The following MCM5 variants were observed in gnomAD, a reference collection of about 807,000 sequenced individuals.
MCM5 encodes the protein minichromosome maintenance complex component 5.
A neutral mutation model predicts 79.9 loss-of-function variants in MCM5; 46 were observed. The observed-to-expected ratio is 0.58, with a 90% confidence interval of 0.45 to 0.74. MCM5 has a LOEUF of 0.74. Ranked by LOEUF, MCM5 falls within the 30% of genes least tolerant of loss-of-function variation. MCM5 has a pLI of 0.00. For missense variants in MCM5, 883 were observed against 1,017.0 expected (o/e 0.87, Z 1.79); for synonymous variants, 404 against 390.5 (o/e 1.03, Z -0.41).
At chr22:35,451,535 C>T in the MCM5 span, among the ~76,000 whole-genome samples, 1 of 152,246 alleles carries the variant, frequency 6.6e-6, no homozygotes, top group Non-Finnish European at 1.5e-5. Context: ...CCCAGACGGG[C>T]CTCGAGCCTG....
At chr22:35,428,248 C>G (rs979622135), downstream of MCM5, among the ~76,000 whole-genome samples, 1 of 151,926 alleles carries the variant, frequency 6.6e-6, no homozygotes, top group African/African-American at 2.4e-5. Context: ...TTTCAAACTC[C>G]TGAACTCAAG....
At chr22:35,433,857 G>A in the MCM5 span, among the ~76,000 whole-genome samples, 2 of 152,178 alleles carry the variant, frequency 1.3e-5, no homozygotes, top group Non-Finnish European at 2.9e-5. Context: ...AGCCCTGTCG[G>A]GGGCAGCCAC....
chr22:35,448,353 C>T, the MCM5 span, among the ~76,000 whole-genome samples: 440 of 152,278 alleles, frequency 2.9e-3, 3 homozygotes, highest in African/African-American at 0.01. Context: ...CCCTCTGGAC[C>T]GTGGTGGGAG....
Position 35,403,190 on chromosome 22 carries a change from C to T in MCM5, c.168-17C>T, listed in dbSNP as rs1256861265. 13 of 1,613,734 alleles carry T rather than the reference C, an allele frequency of 8.1e-6. No individual in the cohort carries two copies. Among genetic ancestry groups the T allele is most frequent in the Non-Finnish European group, 1.1e-5 (13 of 1,179,778 alleles). On this transcript the variant is annotated splice_polypyrimidine_tract_variant and intron_variant, in intron 2 of 16. Coordinates refer to ENST00000216122, the MANE Select transcript of MCM5 (RefSeq NM_006739.4). ...TTTGCACCCTTCCTGCCCCACCCTG[C>T]TATGTGCCCACTCCAGGGATGAACT...
At chr22:35,432,083 C>G in the MCM5 span, among the ~76,000 whole-genome samples, 3 of 152,192 alleles carry the variant, frequency 2.0e-5, no homozygotes, top group African/African-American at 7.2e-5. Flanking sequence ...AGCTCTTAGA[C>G]TAGTGCCTGT....
chr22:35,429,158 G>A (rs532781642), downstream of MCM5, among the ~76,000 whole-genome samples: 1 of 151,612 alleles, frequency 6.6e-6, no homozygotes, highest in African/African-American at 2.4e-5. Context: ...GCTAATTTTT[G>A]TATTTTTAGT....
chr22:35,421,421 G>A lies in MCM5; in HGVS notation c.1936G>A (p.Val646Met). The change falls in exon 15 of 17, where the codon GTG (valine) becomes ATG (methionine). Residue 646 changes from valine (V) to methionine (M), a missense_variant. Physicochemically the swap from Val to Met is conservative, Grantham distance 21. Transcript: ENST00000216122. ...GGAGGAGGCCCTGCGGCTCTTCCAAGTGTCCACGTTGGATGCTGCCTTGTC... is the reference window on the plus strand; with the variant it reads ...GGAGGAGGCCCTGCGGCTCTTCCAAATGTCCACGTTGGATGCTGCCTTGTC... ...DVEEALRLFQ[V>M]STLDAALSGT... The A allele has an allele frequency of 6.2e-7, 1 of 1,614,176 alleles. No homozygotes were observed. The highest frequency in any genetic ancestry group is 8.5e-7 in the Non-Finnish European group (1 of 1,180,034).
intron 8 of MCM5, 83 bp from the exon 9 acceptor site, chr22:35,413,792 C>G: frequency 2.4e-6 from 2 of 818,696 alleles, no homozygotes; most frequent in Non-Finnish European, 4.3e-6. Context: ...GAGTCAACTG[C>G]CAGCCCACCA....
chr22:35,403,793 A>G (rs1406579518), intron 4 of MCM5, among the ~76,000 whole-genome samples: 1 of 152,092 alleles, frequency 6.6e-6, no homozygotes, highest in Non-Finnish European at 1.5e-5. Context: ...GTTGTTTCCT[A>G]TTTTGTCCTT....
the MCM5 span, among the ~76,000 whole-genome samples, chr22:35,435,858 C>T: frequency 6.6e-6 from 1 of 152,102 alleles, no homozygotes; most frequent in Non-Finnish European, 1.5e-5. Flanking sequence ...CTGTGCTTCC[C>T]CCAGTTGAAT....
At chr22:35,445,737 C>T in the MCM5 span, among the ~76,000 whole-genome samples, 493 of 152,224 alleles carry the variant, frequency 3.2e-3, 1 homozygote, top group Middle Eastern at 0.027. Flanking sequence ...TCTTGATCTC[C>T]TGACCTCAGG....
Position 35,403,435 on chromosome 22 carries a change from G to C in MCM5, c.316G>C (p.Val106Leu), listed in dbSNP as rs1436770393. Residue 106 changes from valine (V) to leucine (L), a missense_variant, in exon 4 of 17, where the codon GTA (valine) becomes CTA (leucine). This residue lies in a region of MCM5 where 455 missense variants were observed against 517.5 expected (regional missense o/e 0.88). Coordinates refer to ENST00000216122, the MANE Select transcript of MCM5 (RefSeq NM_006739.4). ...LQLLEEAAKE[V>L]ADEVTRPRPS... The stretch of plus-strand genomic sequence containing the variant: ...CCAGCTGGAGGAAGCTGCCAAGGAG[G>C]TAGCTGATGAGGTGACCCGGCCCCG... The C allele has an allele frequency of 6.2e-7, 1 of 1,614,110 alleles. No homozygotes were observed. The highest frequency in any genetic ancestry group is 1.7e-5 in the Admixed American group (1 of 60,000).
intron 15 of MCM5, chr22:35,421,687 A>T: frequency 1.6e-6 from 1 of 611,880 alleles, no homozygotes; most frequent in Middle Eastern, 2.6e-4. Context: ...CCTTGAACAC[A>T]ATCCTCTTGA....
the MCM5 span, among the ~76,000 whole-genome samples, chr22:35,433,462 G>A: frequency 0.049 from 7,439 of 152,242 alleles, 526 homozygotes; most frequent in African/African-American, 0.16. Flanking sequence ...GGCTTCCCCT[G>A]GGTCAGAACT....
chr22:35,424,239 T>C lies in MCM5; in HGVS notation c.2189T>C (p.Leu730Pro). 1.3e-6 allele frequency: 2 copies of C among 1,548,770 alleles called. No homozygotes were observed. Among genetic ancestry groups the C allele is most frequent in the Non-Finnish European group, 1.7e-6 (2 of 1,145,702 alleles). The part of the protein sequence containing the change: ...EIQHRMQRKV[L>P]YRLK ...CAGCATCGCATGCAGCGCAAGGTTC[T>C]CTACCGCCTCAAGTGAGTCGCGCCG... The change falls in exon 17 of 17, where the codon CTC becomes CCC. Residue 730 changes from leucine (L) to proline (P), a missense_variant. Physicochemically the swap from Leu to Pro is moderately conservative, Grantham distance 98. Coordinates refer to ENST00000216122, the MANE Select transcript of MCM5 (RefSeq NM_006739.4).
the MCM5 span, among the ~76,000 whole-genome samples, chr22:35,453,465 CAG>C: frequency 8.2e-4 from 117 of 142,216 alleles, 1 homozygote; most frequent in Non-Finnish European, 1.3e-3. Flanking sequence ...GAAACAGAGA[CAG>C]AGAAAGAGAC....
rs2307335 is a variant in MCM5 at position 35,400,612 on chromosome 22, C to T, written c.167+7C>T. 17,522 of 1,597,058 alleles carry T rather than the reference C, an allele frequency of 0.011. 126 individuals carry two copies. The highest frequency in any genetic ancestry group is 0.014 in the Non-Finnish European group (16,036 of 1,170,444). On this transcript the variant is annotated splice_region_variant and intron_variant, in intron 2 of 16. Coordinates refer to ENST00000216122, the MANE Select transcript of MCM5 (RefSeq NM_006739.4). Reference sequence around the variant, plus strand: ...GCTTCACCTTCAAATACAGGTGCGGCTCCTGCGGGGCCGGGGGCTCGAGTT... The same window carrying T: ...GCTTCACCTTCAAATACAGGTGCGGTTCCTGCGGGGCCGGGGGCTCGAGTT...
At chr22:35,440,634 C>T in the MCM5 span, among the ~76,000 whole-genome samples, 1 of 152,210 alleles carries the variant, frequency 6.6e-6, no homozygotes, top group African/African-American at 2.4e-5. Flanking sequence ...ATGCAAACTC[C>T]ATTTGACCCT....
At chr22:35,402,221 T>C (rs1394410138) in intron 2 of MCM5, among the ~76,000 whole-genome samples, 1 of 152,084 alleles carries the variant, frequency 6.6e-6, no homozygotes, top group Admixed American at 6.5e-5. Context: ...CTGGGCAACA[T>C]AGTGAAACCC....
Sources: gnomAD v4.1 joint callset for allele counts (sites outside exome capture counted in the v4.1 genomes callset) on GRCh38, gnomAD v4.1.1 for gene constraint, gnomAD v4.1.1 regional missense constraint, MANE v1.5 for transcripts, NCBI Gene and HGNC (gene_info 2026-07-23, HGNC 2026-07-21) for gene names.